PANK2: variants seen among roughly 807,000 people sequenced by gnomAD.
PANK2 encodes the protein pantothenate kinase 2, mitochondrial.
Under a neutral mutation model 43.1 loss-of-function variants are expected in PANK2, and 36 were observed. The ratio of observed to expected loss-of-function variants is 0.84; its 90% CI spans 0.64 to 1.10. PANK2 has a LOEUF of 1.10. Ranked by LOEUF, PANK2 falls within the 50% of genes least tolerant of loss-of-function variation. The pLI, the probability that PANK2 is intolerant of heterozygous loss-of-function variation, is 0.00. For synonymous variants in PANK2, 281 were observed against 238.2 expected (o/e 1.18, Z -1.66); for missense variants, 576 against 593.3 (o/e 0.97, Z 0.30).
chr20:3,893,574 A>G (rs914587173), intron 1 of PANK2, among the ~76,000 whole-genome samples: 10 of 152,142 alleles, frequency 6.6e-5, no homozygotes, highest in Non-Finnish European at 1.5e-4. Flanking sequence ...GTGGACAACA[A>G]ACTTATCCTT....
rs532771145 is a variant in PANK2, at chr20:3,928,050, G to A, written c.*4756G>A. 1 of 152,206 alleles carries A rather than the reference G, an allele frequency of 6.6e-6. No individual in the cohort carries two copies. The highest frequency in any genetic ancestry group is 6.5e-5 in the Admixed American group (1 of 15,286). 9.4% of individuals were successfully genotyped at this position (152,206 alleles called of 1,614,324 possible). A position where few individuals can be genotyped will look rare whatever the true frequency, so the allele number is the denominator to read the frequency against. On this transcript the variant is annotated 3_prime_UTR_variant, in exon 7 of 7. Coordinates refer to ENST00000610179, the MANE Select transcript of PANK2 (RefSeq NM_001386393.1). ...AATGGAAGCACACTCCCCAGCACATGGGGATCCCTTATTAATCTTTACTAA... is the reference window on the plus strand; with the variant it reads ...AATGGAAGCACACTCCCCAGCACATAGGGATCCCTTATTAATCTTTACTAA...
At chr20:3,915,879 G>A (rs982003780) in intron 4 of PANK2, among the ~76,000 whole-genome samples, 2 of 152,142 alleles carry the variant, frequency 1.3e-5, no homozygotes, top group Admixed American at 6.5e-5. Flanking sequence ...TGATACTGTA[G>A]CGTTGTATTA....
chr20:3,888,879 A>T, upstream of PANK2: 2 of 508,986 alleles, frequency 3.9e-6, no homozygotes, highest in Non-Finnish European at 3.5e-6. Context: ...GCAGCTGCGG[A>T]ACTAGGCCGA....
intron 6 of PANK2, among the ~76,000 whole-genome samples, chr20:3,920,997 C>T (rs1405325170): frequency 2.0e-5 from 3 of 152,172 alleles, no homozygotes; most frequent in Non-Finnish European, 4.4e-5. Flanking sequence ...TTTCCATTTG[C>T]ATTCAGGCCT....
chr20:3,919,997 A>G (rs2090622326), intron 6 of PANK2, among the ~76,000 whole-genome samples: 1 of 152,332 alleles, frequency 6.6e-6, no homozygotes, highest in Non-Finnish European at 1.5e-5. Flanking sequence ...TAGTTTTAAA[A>G]TTCTAACATT....
chr20:3,923,323 C>T lies in PANK2; in HGVS notation c.*29C>T, dbSNP rs1453823409. 6.2e-7 allele frequency: 1 copy of T among 1,611,176 alleles called. No individual in the cohort carries two copies. Among genetic ancestry groups the T allele is most frequent in the Non-Finnish European group, 8.5e-7 (1 of 1,177,504 alleles). On this transcript the variant is annotated 3_prime_UTR_variant, in exon 7 of 7. Coordinates refer to ENST00000610179, the MANE Select transcript of PANK2 (RefSeq NM_001386393.1). ...TTACCTGGGGAGGGGTTCCTGAAAC[C>T]TTCCACAATGGGATCTGTGGACTTT...
intron 1 of PANK2, among the ~76,000 whole-genome samples, chr20:3,903,124 A>C (rs969999413): frequency 1.1e-4 from 16 of 148,662 alleles, no homozygotes; most frequent in Non-Finnish European, 3.0e-5. Flanking sequence ...CAGATGTAAA[A>C]ATGATTAGCT....
chr20:3,918,915 T>C (rs187451281), intron 6 of PANK2, 119 bp downstream of exon 6: 2 of 1,558,042 alleles, frequency 1.3e-6, no homozygotes, highest in Non-Finnish European at 1.8e-6. Flanking sequence ...TTTTGTTTTT[T>C]GTTTTTTTGA....
intron 1 of PANK2, among the ~76,000 whole-genome samples, chr20:3,890,825 C>CT (rs2090111406): frequency 1.3e-5 from 2 of 152,168 alleles, no homozygotes; most frequent in Admixed American, 1.3e-4. Context: ...GTTCTTTTGT[C>CT]TTTTTCCATC....
At chr20:3,913,980 G>C (rs1364832546) in intron 4 of PANK2, among the ~76,000 whole-genome samples, 5 of 151,466 alleles carry the variant, frequency 3.3e-5, no homozygotes, top group Admixed American at 1.3e-4. Flanking sequence ...TAGCAGAGAT[G>C]GGGTTTCACT....
At chr20:3,903,018 C>CA (rs1568564383) in intron 1 of PANK2, among the ~76,000 whole-genome samples, 1 of 141,302 alleles carries the variant, frequency 7.1e-6, no homozygotes, top group African/African-American at 2.6e-5. Flanking sequence ...CACACACACA[C>CA]CCCTTTTACC....
At chr20:3,889,906 C>T (rs879229599) in intron 1 of PANK2, 178 bp downstream of exon 1, 14 of 1,532,284 alleles carry the variant, frequency 9.1e-6, no homozygotes, top group Non-Finnish European at 1.2e-5. Context: ...GAAAGCGGTA[C>T]CTTCGGGGGC....
chr20:3,889,950 G>A lies in PANK2; in HGVS notation c.298+222G>A, dbSNP rs895144377. The A allele has an allele frequency of 3.1e-5, 47 of 1,525,562 alleles. No homozygotes were observed. In the African/African-American group the frequency reaches 4.8e-4, roughly 16 times the overall value. 94.5% of individuals were successfully genotyped at this position (1,525,562 alleles called of 1,614,324 possible). On this transcript the variant is annotated intron_variant, in intron 1 of 6. Coordinates refer to ENST00000610179, the MANE Select transcript of PANK2 (RefSeq NM_001386393.1). ...ACCCATTGGTATGCACTTCCCGCTTGTTGGAGTGGAGGGCTTTTCCCCAGG... is the reference window on the plus strand; with the variant it reads ...ACCCATTGGTATGCACTTCCCGCTTATTGGAGTGGAGGGCTTTTCCCCAGG...
intron 1 of PANK2, among the ~76,000 whole-genome samples, chr20:3,895,246 C>G (rs193038017): frequency 9.2e-5 from 14 of 152,080 alleles, no homozygotes; most frequent in African/African-American, 3.4e-4. Context: ...TGCACTCCAG[C>G]CTGGGAGACA....
upstream of PANK2, chr20:3,889,033 C>G: frequency 7.4e-7 from 1 of 1,347,726 alleles, no homozygotes; most frequent in Non-Finnish European, 1.0e-6. Context: ...CTCGGGGTCG[C>G]CCCAGGAGAG....
At chr20:3,892,949 G>C (rs775966525) in intron 1 of PANK2, among the ~76,000 whole-genome samples, 5 of 152,052 alleles carry the variant, frequency 3.3e-5, no homozygotes, top group Non-Finnish European at 5.9e-5. Flanking sequence ...GGTGGGGAGG[G>C]GGGTATGTCT....
intron 1 of PANK2, among the ~76,000 whole-genome samples, chr20:3,905,244 G>A (rs1181077344): frequency 1.3e-5 from 2 of 151,770 alleles, no homozygotes; most frequent in South Asian, 2.1e-4. Flanking sequence ...ATACCCCTAC[G>A]TTCTCTCTCT....
chr20:3,895,278 A>T (rs556882867), intron 1 of PANK2, among the ~76,000 whole-genome samples: 93 of 151,780 alleles, frequency 6.1e-4, no homozygotes, highest in African/African-American at 2.0e-3. Flanking sequence ...CATCTCAAAT[A>T]AAATAAATAA....
chr20:3,913,556 C>G (rs1351318158), intron 4 of PANK2, among the ~76,000 whole-genome samples: 1 of 151,954 alleles, frequency 6.6e-6, no homozygotes, highest in African/African-American at 2.4e-5. Context: ...GTTGGCCGGG[C>G]AGGTCTCGAA....
Sources: allele counts gnomAD v4.1 joint callset (sites outside exome capture counted in the v4.1 genomes callset), GRCh38; gene constraint gnomAD v4.1.1; transcripts MANE v1.5; gene names NCBI Gene and HGNC (gene_info 2026-07-23, HGNC 2026-07-21).